The following RNF144B variants were observed in gnomAD, a reference collection of about 807,000 sequenced individuals.
RNF144B encodes ring finger protein 144B, also known as E3 ubiquitin-protein ligase RNF144B.
RNF144B carries 25 observed loss-of-function variants against 40.2 expected under a neutral mutation model. That is an observed-to-expected ratio of 0.62 (90% CI 0.45 to 0.87). The LOEUF (loss-of-function observed/expected upper bound fraction) is 0.87, where lower values mean the gene tolerates loss of function less well. Ranked by LOEUF, RNF144B falls within the 40% of genes least tolerant of loss-of-function variation. RNF144B has a pLI of 0.00. For synonymous variants in RNF144B, 145 were observed against 136.3 expected, an observed-to-expected ratio of 1.06 and a Z score of -0.44; for missense variants, 365 against 373.7, an observed-to-expected ratio of 0.98 and a Z score of 0.19.
intron 2 of RNF144B, among the ~76,000 whole-genome samples, chr6:18,408,883 C>T (rs988611831): frequency 2.0e-5 from 3 of 151,806 alleles, no homozygotes; most frequent in South Asian, 2.1e-4. Flanking sequence ...GACACAAATC[C>T]GTGAATTATT....
intron 6 of RNF144B, among the ~76,000 whole-genome samples, chr6:18,461,405 A>T (rs1053321839): frequency 2.6e-5 from 4 of 151,600 alleles, no homozygotes; most frequent in East Asian, 1.9e-4. Context: ...ATGAAAAACA[A>T]TTTTTTTTTG....
At chr6:18,452,675 G>A (rs1759235355) in intron 4 of RNF144B, among the ~76,000 whole-genome samples, 1 of 151,964 alleles carries the variant, frequency 6.6e-6, no homozygotes, top group South Asian at 2.1e-4. Flanking sequence ...GTTTAGAGAT[G>A]AAGTAAATCT....
rs2113548185 is a variant in RNF144B, at chr6:18,468,359, C to T, written c.*3292C>T. On this transcript the variant is annotated 3_prime_UTR_variant, in exon 8 of 8. Transcript: ENST00000259939. The stretch of plus-strand genomic sequence containing the variant: ...TCTTAGGCATCCTATTTGTTCATGC[C>T]ATGGGTATTTGCTTTGGACTTGGAG... 6.6e-6 allele frequency: 1 copy of T among 152,262 alleles called. No individual in the cohort carries two copies. Among genetic ancestry groups the T allele is most frequent in the African/African-American group, 2.4e-5 (1 of 41,554 alleles). The allele number at this position is 152,262 out of a possible 1,614,324, so 9.4% of individuals were successfully genotyped here. A position where few individuals can be genotyped will look rare whatever the true frequency, so the allele number is the denominator to read the frequency against.
At chr6:18,461,496 C>G (rs1759454499) in intron 6 of RNF144B, among the ~76,000 whole-genome samples, 1 of 152,102 alleles carries the variant, frequency 6.6e-6, no homozygotes, top group Non-Finnish European at 1.5e-5. Flanking sequence ...CTTTAGGAGG[C>G]CAGAGTGTAA....
intron 2 of RNF144B, among the ~76,000 whole-genome samples, chr6:18,409,952 G>A (rs1200286472): frequency 6.6e-6 from 1 of 152,152 alleles, no homozygotes; most frequent in Non-Finnish European, 1.5e-5. Flanking sequence ...GTTATAATGT[G>A]GAACAGAATT....
rs941650839 is a variant in RNF144B at position 18,465,367 on chromosome 6, C to G, written c.*300C>G. 1 of 308,364 alleles carries G rather than the reference C, an allele frequency of 3.2e-6. No individual in the cohort carries two copies. Among genetic ancestry groups the G allele is most frequent in the African/African-American group, 2.1e-5 (1 of 46,692 alleles). The allele number at this position is 308,364 out of a possible 1,614,324, so 19.1% of individuals were successfully genotyped here. A position where few individuals can be genotyped will look rare whatever the true frequency, so the allele number is the denominator to read the frequency against. ...AGGATCTCACTGGACTGTTCAACTT[C>G]CAGCCAAATTCAAGGAGCTTGCGGG... On this transcript the variant is annotated 3_prime_UTR_variant, in exon 8 of 8. Coordinates refer to ENST00000259939, the MANE Select transcript of RNF144B (RefSeq NM_182757.4).
At position 18,442,555 on chromosome 6, in the gene RNF144B, T is replaced by C. The variant is rs1467811154; in HGVS notation, c.331+2811T>C. On this transcript the variant is annotated intron_variant, in intron 4 of 7. Transcript: ENST00000259939. This position sits in a 1 kb window ranked among gnomAD's most constrained non-coding sequence, Gnocchi z 4.3. ...ACTTTTCTTTTTGTTATTAAACATA[T>C]ACCTAACATAAAAGTTGCCATTTAA... 3.3e-5 allele frequency among the ~76,000 whole-genome samples: 5 copies of C among 152,194 alleles called. No individual in the cohort carries two copies. The highest frequency in any genetic ancestry group is 2.4e-5 in the African/African-American group (1 of 41,448).
intron 2 of RNF144B, among the ~76,000 whole-genome samples, chr6:18,420,803 G>A (rs1262202398): frequency 6.6e-6 from 1 of 152,032 alleles, no homozygotes; most frequent in Non-Finnish European, 1.5e-5. Flanking sequence ...AAAAGAATTG[G>A]AACTTAATAT....
chr6:18,396,685 C>G, intron 1 of RNF144B: 1 of 985,304 alleles, frequency 1.0e-6, no homozygotes, highest in Non-Finnish European at 1.2e-6. Context: ...ATTGCATAAG[C>G]AGTGAAGCAG....
rs1181604245 is a variant in RNF144B at position 18,446,885 on chromosome 6, G to C, written c.331+7141G>C. On this transcript the variant is annotated intron_variant, in intron 4 of 7. Coordinates refer to ENST00000259939, the MANE Select transcript of RNF144B (RefSeq NM_182757.4). This position sits in a 1 kb window ranked among gnomAD's most constrained non-coding sequence, Gnocchi z 4.7. ...TGTGTGTGTGTGTGTCTGTGTGTGT[G>C]TTGTGTGTTTGTTGGCTCAACAAAT... Among the ~76,000 whole-genome samples, 1 of 150,798 alleles carries C rather than the reference G, an allele frequency of 6.6e-6. No individual in the cohort carries two copies. The highest frequency in any genetic ancestry group is 2.5e-5 in the African/African-American group (1 of 40,762).
rs1230992182 is a variant in RNF144B at position 18,405,943 on chromosome 6, C to T, written c.165+6244C>T. The T allele has an allele frequency of 6.3e-6, 3 of 476,634 alleles. No individual in the cohort carries two copies. The highest frequency in any genetic ancestry group is 5.9e-5 in the African/African-American group (3 of 50,670). The allele number at this position is 476,634 out of a possible 1,614,324, so 29.5% of individuals were successfully genotyped here. ...TCATAGTCCTAGAATTGTAAGTGAC[C>T]TTAGATCTTCTAGTTCCCCCACCCT... On this transcript the variant is annotated intron_variant, in intron 2 of 7. Transcript: ENST00000259939. This position sits in a 1 kb window ranked among gnomAD's most constrained non-coding sequence, Gnocchi z 4.5.
Position 18,419,687 on chromosome 6 carries a change from G to A in RNF144B, c.166-7894G>A, listed in dbSNP as rs1242777323. Among the ~76,000 whole-genome samples, 2 of 152,288 alleles carry A rather than the reference G, an allele frequency of 1.3e-5. No homozygotes were observed. The highest frequency in any genetic ancestry group is 3.9e-4 in the East Asian group (2 of 5,178). On this transcript the variant is annotated intron_variant, in intron 2 of 7. Transcript: ENST00000259939. This position sits in a 1 kb window ranked among gnomAD's most constrained non-coding sequence, Gnocchi z 4.6. ...GATTCAGTGACCTAGAGCCACTTCA[G>A]TTGAGTGGCAGGGAGGAGTTGGGAT...
In RNF144B at chr6:18,423,483, G is replaced by T. The variant is rs765730356; in HGVS notation, c.166-4098G>T. On this transcript the variant is annotated intron_variant, in intron 2 of 7. Coordinates refer to ENST00000259939, the MANE Select transcript of RNF144B (RefSeq NM_182757.4). ...TGATTTGTTCTTGGGTAGGTACATA[G>T]TAGCTTTGTCTTAACACTGTGACCC... Among the ~76,000 whole-genome samples, 19 of 152,276 alleles carry T rather than the reference G, an allele frequency of 1.2e-4. No homozygotes were observed. In the South Asian group the frequency reaches 3.3e-3, roughly 27 times the overall value.
Position 18,405,789 on chromosome 6 carries a change from A to G in RNF144B, c.165+6090A>G, listed in dbSNP as rs1017259583. 2.0e-5 allele frequency among the ~76,000 whole-genome samples: 3 copies of G among 152,164 alleles called. No homozygotes were observed. The highest frequency in any genetic ancestry group is 4.4e-5 in the Non-Finnish European group (3 of 68,026). ...ACTCAAGGAGGAGCTGGCTTCCTGGACCTATGATCTCATCCATGCCTAATG... is the reference window on the plus strand; with the variant it reads ...ACTCAAGGAGGAGCTGGCTTCCTGGGCCTATGATCTCATCCATGCCTAATG... On this transcript the variant is annotated intron_variant, in intron 2 of 7. Transcript: ENST00000259939. This position sits in a 1 kb window ranked among gnomAD's most constrained non-coding sequence, Gnocchi z 4.5.
rs185307936 is a variant in RNF144B at position 18,402,808 on chromosome 6, T to C, written c.165+3109T>C. On this transcript the variant is annotated intron_variant, in intron 2 of 7. Transcript: ENST00000259939. ...AAGCCATCAATATTATCTAGGTTCT[T>C]GTTAAAGGATGTTCTAGCTGTGAAG... Among the ~76,000 whole-genome samples the C allele has an allele frequency of 7.7e-4, 118 of 152,338 alleles. 1 individual carries two copies. Among genetic ancestry groups the C allele is most frequent in the Non-Finnish European group, 6.9e-4 (47 of 68,024 alleles).
chr6:18,411,770 A>G (rs897501697), intron 2 of RNF144B, among the ~76,000 whole-genome samples: 16 of 152,194 alleles, frequency 1.1e-4, no homozygotes, highest in Admixed American at 1.0e-3. Flanking sequence ...CTGGGATTAC[A>G]GGCGTGAGCC....
At chr6:18,431,100 G>A (rs900024489) in intron 3 of RNF144B, among the ~76,000 whole-genome samples, 18 of 151,994 alleles carry the variant, frequency 1.2e-4, no homozygotes, top group South Asian at 2.1e-4. Flanking sequence ...AAATTAGCCA[G>A]GCATAGTGGT....
At chr6:18,389,236 G>C (rs1041699820) in intron 1 of RNF144B, among the ~76,000 whole-genome samples, 4 of 152,250 alleles carry the variant, frequency 2.6e-5, no homozygotes, top group African/African-American at 9.6e-5. Flanking sequence ...AGGCATTCAG[G>C]CTTCCAAACT....
intron 6 of RNF144B, among the ~76,000 whole-genome samples, chr6:18,461,349 T>G (rs1483265242): frequency 1.3e-5 from 2 of 152,228 alleles, no homozygotes; most frequent in Admixed American, 1.3e-4. Context: ...GTGAGTGATA[T>G]TCTGGATGAG....
Sources: allele counts gnomAD v4.1 joint callset (sites outside exome capture counted in the v4.1 genomes callset), GRCh38; gene constraint gnomAD v4.1.1; non-coding constraint Gnocchi (gnomAD v3.1); transcripts MANE v1.5; gene names NCBI Gene and HGNC (gene_info 2026-07-23, HGNC 2026-07-21).